The following BCL2L13 variants were observed in gnomAD, a reference collection of about 807,000 sequenced individuals.
BCL2L13 encodes BCL2 like 13.
BCL2L13 carries 13 observed loss-of-function variants against 25.8 expected under a neutral mutation model. The observed-to-expected ratio is 0.50, with a 90% confidence interval of 0.33 to 0.80. The LOEUF is 0.80. BCL2L13 is among the 30% of genes least tolerant of loss of function. The probability of loss-of-function intolerance (pLI) is 0.02; values close to 1 mark genes in which losing one functional copy is unlikely to be tolerated. For missense variants in BCL2L13, 504 were observed against 574.9 expected (o/e 0.88, Z 1.26); for synonymous variants, 244 against 230.3 (o/e 1.06, Z -0.54).
chr22:17,681,020 C>G (rs2059737243), intron 2 of BCL2L13, among the ~76,000 whole-genome samples: 1 of 152,124 alleles, frequency 6.6e-6, no homozygotes, highest in Non-Finnish European at 1.5e-5. Context: ...ATTTCCTACT[C>G]TGTCGCACCT....
rs757849793 is a variant in BCL2L13, at chr22:17,683,370, T to C, written c.229+49T>C. On this transcript the variant is annotated intron_variant, in intron 3 of 6. Coordinates refer to ENST00000317582, the MANE Select transcript of BCL2L13 (RefSeq NM_015367.4). ...GTTAATAAGCAGATTGTGTTTGTTA[T>C]GGTTTACTGTTGGTTTAATTTGATT... 9.1e-6 allele frequency: 10 copies of C among 1,103,872 alleles called. No homozygotes were observed. In the African/African-American group the frequency reaches 1.5e-4, roughly 16 times the overall value. 68.4% of individuals were successfully genotyped at this position (1,103,872 alleles called of 1,614,324 possible). A position where few individuals can be genotyped will look rare whatever the true frequency, so the allele number is the denominator to read the frequency against.
chr22:17,646,955 A>ATATTTTT lies in BCL2L13; in HGVS notation c.-51+8070_-51+8071insATTTTTT, dbSNP rs768488873. ...TACATATATATATATATATATATAT[A>ATATTTTT]TTTTTTTTTTTTTTTTTTTTTTTTC... On this transcript the variant is annotated intron_variant, in intron 1 of 6. Coordinates refer to ENST00000317582, the MANE Select transcript of BCL2L13 (RefSeq NM_015367.4). Among the ~76,000 whole-genome samples the ATATTTTT allele has an allele frequency of 9.4e-3, 208 of 22,192 alleles. 11 individuals carry two copies. The highest frequency in any genetic ancestry group is 0.013 in the Admixed American group (10 of 752). The allele number at this position is 22,192 out of a possible 152,430, so 14.6% of individuals were successfully genotyped here. A position where few individuals can be genotyped will look rare whatever the true frequency, so the allele number is the denominator to read the frequency against.
intron 6 of BCL2L13, among the ~76,000 whole-genome samples, chr22:17,715,764 T>A (rs2060929886): frequency 6.6e-6 from 1 of 152,180 alleles, no homozygotes; most frequent in South Asian, 2.1e-4. Context: ...TCTGGATTGA[T>A]GGGACAGTGT....
At chr22:17,657,934 T>C (rs1409370352) in intron 2 of BCL2L13, among the ~76,000 whole-genome samples, 1 of 149,596 alleles carries the variant, frequency 6.7e-6, no homozygotes, top group Admixed American at 6.8e-5. Context: ...GCAATTCTTC[T>C]GCTTCAGCCT....
At chr22:17,675,244 T>G (rs1234676357) in intron 2 of BCL2L13, among the ~76,000 whole-genome samples, 1 of 152,146 alleles carries the variant, frequency 6.6e-6, no homozygotes, top group African/African-American at 2.4e-5. Flanking sequence ...GACACAGAAA[T>G]GCAGTAGAAA....
chr22:17,656,849 C>T (rs1375001884), intron 2 of BCL2L13, among the ~76,000 whole-genome samples: 2 of 152,058 alleles, frequency 1.3e-5, no homozygotes, highest in Non-Finnish European at 2.9e-5. Context: ...GATGGAGTCT[C>T]ACTCTGTTGC....
At chr22:17,632,686 C>A (rs5992773) in intron 1 of BCL2L13, among the ~76,000 whole-genome samples, 11,510 of 151,698 alleles carry the variant, frequency 0.076, 509 homozygotes, top group African/African-American at 0.11. Context: ...ATGGATGTAG[C>A]ACTGTCTAGA....
chr22:17,681,961 CACAT>C (rs772848462), intron 2 of BCL2L13, among the ~76,000 whole-genome samples: 5 of 152,226 alleles, frequency 3.3e-5, no homozygotes, highest in South Asian at 2.1e-4. Context: ...TGTGTATATA[CACAT>C]ACATACATAC....
chr22:17,636,982 TA>T (rs1395649688), upstream of BCL2L13, among the ~76,000 whole-genome samples: 1 of 151,562 alleles, frequency 6.6e-6, no homozygotes, highest in Non-Finnish European at 1.5e-5. Context: ...ACCTTAAAAG[TA>T]AAATTAGGGC....
intron 1 of BCL2L13, among the ~76,000 whole-genome samples, chr22:17,639,310 C>A (rs1772535618): frequency 6.6e-6 from 1 of 152,232 alleles, no homozygotes; most frequent in Admixed American, 6.5e-5. Context: ...TTAGCTTTGC[C>A]AGTCTTAGTC....
chr22:17,715,137 TATATA>T (rs2060881738), intron 6 of BCL2L13, among the ~76,000 whole-genome samples: 1 of 2,858 alleles, frequency 3.5e-4, no homozygotes, highest in African/African-American at 1.2e-3. Context: ...TATATATATA[TATATA>T]TATATATATA....
chr22:17,629,943 G>C (rs183703472), intron 1 of BCL2L13, among the ~76,000 whole-genome samples: 10 of 152,124 alleles, frequency 6.6e-5, no homozygotes, highest in African/African-American at 2.4e-4. Context: ...CCCGGGCCAG[G>C]CGCGGTGTCT....
intron 6 of BCL2L13, among the ~76,000 whole-genome samples, chr22:17,723,508 A>C (rs550541873): frequency 3.3e-5 from 5 of 152,182 alleles, no homozygotes; most frequent in Non-Finnish European, 5.9e-5. Context: ...GGTATTTTAG[A>C]ATAGCTCTTT....
chr22:17,672,999 C>G (rs900256494), intron 2 of BCL2L13, among the ~76,000 whole-genome samples: 2 of 152,094 alleles, frequency 1.3e-5, no homozygotes, highest in Non-Finnish European at 2.9e-5. Context: ...AGTCGTATGT[C>G]CTGGGAGTCA....
chr22:17,698,741 A>G (rs1171733024), intron 5 of BCL2L13, among the ~76,000 whole-genome samples: 1 of 152,098 alleles, frequency 6.6e-6, no homozygotes, highest in Middle Eastern at 3.4e-3. Context: ...AAAAAAGAAA[A>G]GAAAGCCCAT....
At chr22:17,685,030 C>A (rs192837467) in intron 3 of BCL2L13, among the ~76,000 whole-genome samples, 1 of 151,596 alleles carries the variant, frequency 6.6e-6, no homozygotes, top group African/African-American at 2.4e-5. Context: ...CCACCACGCC[C>A]GGCCTGTAAT....
intron 2 of BCL2L13, among the ~76,000 whole-genome samples, chr22:17,663,361 A>G (rs753168155): frequency 2.0e-5 from 3 of 152,190 alleles, no homozygotes; most frequent in African/African-American, 4.8e-5. Flanking sequence ...GGTGTGTCCT[A>G]CTTTTGAAAA....
intron 2 of BCL2L13, among the ~76,000 whole-genome samples, chr22:17,668,105 G>A (rs148308962): frequency 7.5e-4 from 113 of 150,742 alleles, no homozygotes; most frequent in Middle Eastern, 3.4e-3. Context: ...CCGTCTCCCA[G>A]CTTCAAGCAA....
chr22:17,694,399 G>C (rs191786382), intron 4 of BCL2L13, among the ~76,000 whole-genome samples: 75 of 152,166 alleles, frequency 4.9e-4, no homozygotes, highest in Middle Eastern at 6.8e-3. Context: ...CCAGCTAGGG[G>C]TGGTGGGACA....
Sources: gnomAD v4.1 joint callset for allele counts (sites outside exome capture counted in the v4.1 genomes callset) on GRCh38, gnomAD v4.1.1 for gene constraint, MANE v1.5 for transcripts, NCBI Gene and HGNC (gene_info 2026-07-23, HGNC 2026-07-21) for gene names.